The following CREB5 variants were observed in gnomAD, a reference collection of about 807,000 sequenced individuals.
The protein encoded by CREB5 is cAMP responsive element binding protein 5.
Under a neutral mutation model 57.1 loss-of-function variants are expected in CREB5, and 19 were observed. The observed-to-expected ratio is 0.33, with a 90% confidence interval of 0.23 to 0.49. The LOEUF (loss-of-function observed/expected upper bound fraction) is 0.49. CREB5 is among the 20% of genes least tolerant of loss of function. The pLI is 0.99. For missense variants in CREB5, 579 were observed against 671.6 expected (o/e 0.86, Z 1.52); for synonymous variants, 238 against 238.3 (o/e 1.00, Z 0.01).
At chr7:28,353,388 G>C (rs1278172689) in intron 1 of CREB5, among the ~76,000 whole-genome samples, 1 of 152,192 alleles carries the variant, frequency 6.6e-6, no homozygotes, top group Non-Finnish European at 1.5e-5. Flanking sequence ...GAATCTATGG[G>C]AGGGGCAGTT....
intron 7 of CREB5, among the ~76,000 whole-genome samples, chr7:28,729,160 A>G (rs1272758324): frequency 6.6e-6 from 1 of 152,232 alleles, no homozygotes. Context: ...AAGACAAGGC[A>G]TCTTAGAAAT....
intron 5 of CREB5, among the ~76,000 whole-genome samples, chr7:28,653,622 T>C (rs1473401096): frequency 2.0e-5 from 3 of 152,222 alleles, no homozygotes; most frequent in Non-Finnish European, 2.9e-5. Context: ...AATGAATCCA[T>C]AGGCATTCAA....
In CREB5 at chr7:28,593,588, A is replaced by G. The variant is rs529769339; in HGVS notation, c.464+23051A>G. ...TACACACATAGAAGATGCCTCCAGAAGAATGGTTGGTGTGCTCCATCCATA... is the reference window on the plus strand; with the variant it reads ...TACACACATAGAAGATGCCTCCAGAGGAATGGTTGGTGTGCTCCATCCATA... On this transcript the variant is annotated intron_variant, in intron 5 of 10. Transcript: ENST00000357727. 2.6e-5 allele frequency among the ~76,000 whole-genome samples: 4 copies of G among 152,340 alleles called. No homozygotes were observed. In the South Asian group the frequency reaches 8.3e-4, roughly 32 times the overall value.
At chr7:28,711,662 T>C (rs964505064) in intron 5 of CREB5, among the ~76,000 whole-genome samples, 1 of 152,206 alleles carries the variant, frequency 6.6e-6, no homozygotes, top group East Asian at 1.9e-4. Flanking sequence ...GGAAATATTC[T>C]CAAGGGCTTT....
chr7:28,410,131 C>T (rs1787713316), upstream of CREB5: 1 of 382,746 alleles, frequency 2.6e-6, no homozygotes, highest in East Asian at 7.4e-5. Flanking sequence ...CCTCTCCCGC[C>T]GGGCTGCCGG....
chr7:28,714,517 GC>G (rs1159004488), intron 5 of CREB5, among the ~76,000 whole-genome samples: 2 of 152,166 alleles, frequency 1.3e-5, no homozygotes, highest in African/African-American at 4.8e-5. Context: ...GGATAGGCTT[GC>G]CCAAGGGCAA....
intron 1 of CREB5, among the ~76,000 whole-genome samples, chr7:28,352,508 T>C (rs1456569701): frequency 6.6e-6 from 1 of 152,206 alleles, no homozygotes; most frequent in Non-Finnish European, 1.5e-5. Context: ...GCTCCAGGAT[T>C]GGTAAATTTA....
chr7:28,803,091 C>T (rs1808467417), intron 7 of CREB5, among the ~76,000 whole-genome samples: 1 of 152,180 alleles, frequency 6.6e-6, no homozygotes, highest in African/African-American at 2.4e-5. Context: ...CCTTTAGACT[C>T]AGGTACAAGT....
chr7:28,806,860 T>A (rs186853382), intron 8 of CREB5, among the ~76,000 whole-genome samples: 77 of 152,346 alleles, frequency 5.1e-4, no homozygotes, highest in South Asian at 8.3e-4. Flanking sequence ...AAAATCAATT[T>A]TTTCCTATTT....
chr7:28,366,291 A>G (rs1200192510), intron 1 of CREB5, among the ~76,000 whole-genome samples: 1 of 152,218 alleles, frequency 6.6e-6, no homozygotes, highest in East Asian at 1.9e-4. Context: ...TTATTTATAC[A>G]CTTGATCAAA....
At chr7:28,716,102 C>A in intron 5 of CREB5, among the ~76,000 whole-genome samples, 1 of 152,044 alleles carries the variant, frequency 6.6e-6, no homozygotes, top group African/African-American at 2.4e-5. Context: ...TCCCCATTCG[C>A]GTAACCATTA....
chr7:28,809,225 A>G lies in CREB5; in HGVS notation c.1065A>G (p.Thr355=), dbSNP rs1562655977. 4 of 1,614,044 alleles carry G rather than the reference A, an allele frequency of 2.5e-6. No individual in the cohort carries two copies. The highest frequency in any genetic ancestry group is 2.2e-5 in the South Asian group (2 of 91,066). The change falls in exon 9 of 11, where the codon ACA becomes ACG. Residue 355 remains threonine, a synonymous_variant. Transcript: ENST00000357727. ...CACAACAGATGCAGCCAACCCAGAC[A>G]ATACAGCCACCCCAGCCCACAGGGG... ...PATQQMQPTQ[T]IQPPQPTGGR... is the part of the protein sequence containing the mutation.
chr7:28,604,150 G>A (rs991607166), intron 5 of CREB5, among the ~76,000 whole-genome samples: 3 of 152,156 alleles, frequency 2.0e-5, no homozygotes, highest in South Asian at 2.1e-4. Flanking sequence ...ACTTATTCAA[G>A]GTCACCACCA....
At chr7:28,598,643 G>GTGAC (rs1796785785) in intron 5 of CREB5, among the ~76,000 whole-genome samples, 1 of 152,146 alleles carries the variant, frequency 6.6e-6, no homozygotes, top group Non-Finnish European at 1.5e-5. Context: ...CCTAGAACTA[G>GTGAC]TGACTGAACA....
At chr7:28,396,215 T>C (rs1013459890) in intron 1 of CREB5, among the ~76,000 whole-genome samples, 6 of 152,196 alleles carry the variant, frequency 3.9e-5, no homozygotes, top group Non-Finnish European at 8.8e-5. Context: ...AATCAGAAGA[T>C]ACAAAGGCTT....
chr7:28,421,123 C>A (rs1228525403), intron 1 of CREB5, among the ~76,000 whole-genome samples: 1 of 152,116 alleles, frequency 6.6e-6, no homozygotes, highest in African/African-American at 2.4e-5. Flanking sequence ...CTAGGTGATT[C>A]CTATTCCTCC....
intron 7 of CREB5, among the ~76,000 whole-genome samples, chr7:28,755,105 G>C (rs532338538): frequency 2.7e-4 from 41 of 152,284 alleles, no homozygotes; most frequent in African/African-American, 9.1e-4. Context: ...AGATTGGTTA[G>C]GATAGGCATT....
intron 5 of CREB5, among the ~76,000 whole-genome samples, chr7:28,610,182 T>C (rs141033868): frequency 8.5e-5 from 13 of 152,274 alleles, no homozygotes; most frequent in African/African-American, 3.1e-4. Context: ...CAGGGATGTC[T>C]CCTGTTCATC....
chr7:28,790,976 T>A (rs1259350462), intron 7 of CREB5, among the ~76,000 whole-genome samples: 1 of 152,208 alleles, frequency 6.6e-6, no homozygotes, highest in Non-Finnish European at 1.5e-5. Context: ...CTTACAGAAG[T>A]GGGAAAATTT....
Sources: allele counts gnomAD v4.1 joint callset (sites outside exome capture counted in the v4.1 genomes callset), GRCh38; gene constraint gnomAD v4.1.1; transcripts MANE v1.5; gene names NCBI Gene and HGNC (gene_info 2026-07-23, HGNC 2026-07-21).